CD2AP: variants seen among roughly 807,000 people sequenced by gnomAD.
The protein encoded by CD2AP is CD2-associated protein.
A neutral mutation model predicts 85.1 loss-of-function variants in CD2AP; 46 were observed. The observed-to-expected ratio is 0.54, with a 90% CI of 0.43 to 0.69. The LOEUF (loss-of-function observed/expected upper bound fraction) is 0.69, where lower values mean the gene tolerates loss of function less well. Among genes scored for constraint, CD2AP ranks in the 30% least tolerant of loss-of-function variants. CD2AP has a pLI of 0.00. For synonymous variants in CD2AP, 255 were observed against 252.9 expected (o/e 1.01, Z -0.08); for missense variants, 769 against 729.5 (o/e 1.05, Z -0.62).
intron 3 of CD2AP, among the ~76,000 whole-genome samples, chr6:47,543,894 A>G (rs1387639266): frequency 6.6e-6 from 1 of 152,212 alleles, no homozygotes; most frequent in African/African-American, 2.4e-5. Flanking sequence ...TGCTGGTTTA[A>G]GAAACACACT....
At chr6:47,526,075 A>C (rs1766714607) in intron 2 of CD2AP, among the ~76,000 whole-genome samples, 1 of 152,190 alleles carries the variant, frequency 6.6e-6, no homozygotes, top group South Asian at 2.1e-4. Flanking sequence ...CTTTTGGTAA[A>C]AGTGAATGAA....
In CD2AP at chr6:47,544,652, A is replaced by T; in HGVS notation, c.366A>T (p.Gln122His). ...AAGTTCTTTTTGAGTACATTCCACA[A>T]AATGAGGATGAACTGGAGCTGAAAG... is the stretch of plus-strand genomic sequence containing the variant. ...QCKVLFEYIP[Q>H]NEDELELKVG... The change falls in exon 4 of 18, where the codon CAA becomes CAT. Residue 122 changes from glutamine (Q) to histidine (H), a missense_variant. Transcript: ENST00000359314. 6.2e-7 allele frequency: 1 copy of T among 1,613,248 alleles called. No homozygotes were observed. The highest frequency in any genetic ancestry group is 8.5e-7 in the Non-Finnish European group (1 of 1,179,360).
chr6:47,516,233 T>G (rs1281495808), intron 2 of CD2AP, among the ~76,000 whole-genome samples: 1 of 152,244 alleles, frequency 6.6e-6, no homozygotes, highest in Non-Finnish European at 1.5e-5. Context: ...GTCACTGTGC[T>G]GCTTTTCATG....
At chr6:47,562,942 G>C in intron 5 of CD2AP, 1 of 585,398 alleles carries the variant, frequency 1.7e-6, no homozygotes, top group Non-Finnish European at 3.2e-6. Flanking sequence ...ATTGGTTGTG[G>C]TTGGGTAGTA....
intron 5 of CD2AP, among the ~76,000 whole-genome samples, chr6:47,565,300 G>A (rs560099566): frequency 2.0e-4 from 31 of 152,224 alleles, no homozygotes; most frequent in Middle Eastern, 6.8e-3. Flanking sequence ...CTAGGAAAGT[G>A]TTATGTTTCG....
At chr6:47,611,779 A>G (rs1201025240) in intron 16 of CD2AP, among the ~76,000 whole-genome samples, 2 of 152,066 alleles carry the variant, frequency 1.3e-5, no homozygotes, top group African/African-American at 4.8e-5. Context: ...TGTCCCCAGA[A>G]TAATGAATCA....
chr6:47,500,749 G>T (rs1443960869), intron 1 of CD2AP, among the ~76,000 whole-genome samples: 16 of 140,332 alleles, frequency 1.1e-4, no homozygotes, highest in Admixed American at 1.4e-4. Flanking sequence ...TCCTTCCTTG[G>T]TTTTTTTTTT....
rs796621681 is a variant in CD2AP, at chr6:47,589,549, T to TAC, written c.1109-6311_1109-6310insCA. ...ATATATACACATATGTACACATATA[T>TAC]ATACACACACACACACATATATATA... On this transcript the variant is annotated intron_variant, in intron 11 of 17. Transcript: ENST00000359314. Among the ~76,000 whole-genome samples, 99 of 78,616 alleles carry TAC rather than the reference T, an allele frequency of 1.3e-3. 2 individuals are homozygous for TAC. In the East Asian group the frequency reaches 0.028, roughly 22 times the overall value. 51.6% of individuals were successfully genotyped at this position (78,616 alleles called of 152,430 possible).
At chr6:47,561,946 T>A (rs185358147) in intron 5 of CD2AP, among the ~76,000 whole-genome samples, 1 of 152,180 alleles carries the variant, frequency 6.6e-6, no homozygotes. Context: ...TTTTTTTGTA[T>A]TTTTAGTAGT....
intron 14 of CD2AP, 152 bp from the exon 15 acceptor site, chr6:47,607,775 G>T: frequency 1.7e-6 from 1 of 581,184 alleles, no homozygotes; most frequent in South Asian, 2.2e-5. Context: ...TATTCAGCTT[G>T]AAAGTATATA....
In CD2AP at chr6:47,576,557, C is replaced by CA. The variant is rs776297606; in HGVS notation, c.764dup (p.Ser256GlufsTer12). ...CCTACAGTCACTGGGACCCAAAACT[C>CA]AGAGTGTGGAGATAACAAAAACAGA... On this transcript the variant is annotated frameshift_variant, in exon 7 of 18. Coordinates refer to ENST00000359314, the MANE Select transcript of CD2AP (RefSeq NM_012120.3). LOFTEE classifies it high-confidence loss of function. 45 of 1,612,674 alleles carry CA rather than the reference C, an allele frequency of 2.8e-5. No individual in the cohort carries two copies. The highest frequency in any genetic ancestry group is 3.5e-5 in the Non-Finnish European group (41 of 1,179,168).
intron 2 of CD2AP, among the ~76,000 whole-genome samples, chr6:47,517,175 G>A (rs183928149): frequency 6.6e-6 from 1 of 152,108 alleles, no homozygotes; most frequent in Admixed American, 6.6e-5. Flanking sequence ...TGATGCGCCT[G>A]CTCCCCTTTC....
intron 5 of CD2AP, among the ~76,000 whole-genome samples, chr6:47,566,451 CTT>C (rs1249621196): frequency 1.3e-5 from 2 of 151,790 alleles, no homozygotes; most frequent in East Asian, 1.9e-4. Context: ...TTTTCAAACA[CTT>C]TTGTCAAGTG....
chr6:47,615,032 C>G (rs1395022934), intron 17 of CD2AP, among the ~76,000 whole-genome samples: 1 of 152,004 alleles, frequency 6.6e-6, no homozygotes, highest in African/African-American at 2.4e-5. Flanking sequence ...TGTATCCTAC[C>G]TTTTTTAGAG....
chr6:47,480,548 G>C (rs1316717614), intron 1 of CD2AP, among the ~76,000 whole-genome samples: 1 of 152,180 alleles, frequency 6.6e-6, no homozygotes. Context: ...TACTGGCTGT[G>C]TGACTGAGCA....
chr6:47,560,686 G>C (rs1767835395), intron 5 of CD2AP, among the ~76,000 whole-genome samples: 1 of 151,920 alleles, frequency 6.6e-6, no homozygotes, highest in Admixed American at 6.6e-5. Flanking sequence ...TTTTTTATTG[G>C]GGATGTTAAA....
intron 5 of CD2AP, among the ~76,000 whole-genome samples, chr6:47,573,533 GGCTGGAGT>G (rs1409626907): frequency 1.5e-5 from 2 of 132,174 alleles, no homozygotes. Flanking sequence ...CTGTCGCCCA[GGCTGGAGT>G]GCAGTGGCGT....
chr6:47,550,899 G>A (rs1326502603), intron 4 of CD2AP, among the ~76,000 whole-genome samples: 1 of 152,168 alleles, frequency 6.6e-6, no homozygotes, highest in African/African-American at 2.4e-5. Context: ...GGATGAGATT[G>A]GAGACTATTA....
intron 11 of CD2AP, among the ~76,000 whole-genome samples, chr6:47,585,228 GGGAGGC>G (rs1327376323): frequency 6.6e-6 from 1 of 151,654 alleles, no homozygotes; most frequent in East Asian, 1.9e-4. Flanking sequence ...GCGTGAACTC[GGGAGGC>G]GGAGCTTGCA....
Sources: allele counts gnomAD v4.1 joint callset (sites outside exome capture counted in the v4.1 genomes callset), GRCh38; gene constraint gnomAD v4.1.1; transcripts MANE v1.5; gene names NCBI Gene and HGNC (gene_info 2026-07-23, HGNC 2026-07-21).